ARL15: variants seen among roughly 807,000 people sequenced by gnomAD.
The protein encoded by ARL15 is ARF like GTPase 15.
Under a neutral mutation model 25.2 loss-of-function variants are expected in ARL15, and 19 were observed. The ratio of observed to expected loss-of-function variants is 0.75; its 90% CI spans 0.53 to 1.10. The LOEUF (loss-of-function observed/expected upper bound fraction) is 1.10. Ranked by LOEUF, ARL15 falls within the 50% of genes least tolerant of loss-of-function variation. The probability of loss-of-function intolerance (pLI) is 0.00; values close to 1 mark genes in which losing one functional copy is unlikely to be tolerated. For synonymous variants in ARL15, 94 were observed against 86.8 expected (o/e 1.08, Z -0.46); for missense variants, 220 against 246.0 (o/e 0.89, Z 0.71).
At position 54,246,797 on chromosome 5, in the gene ARL15, T is replaced by TACACACAC. The variant is rs61025147; in HGVS notation, c.48+63627_48+63634dup. 2.0e-3 allele frequency among the ~76,000 whole-genome samples: 276 copies of TACACACAC among 139,050 alleles called. 3 individuals are homozygous for TACACACAC. Among genetic ancestry groups the TACACACAC allele is most frequent in the East Asian group, 0.018 (82 of 4,450 alleles). 91.2% of individuals were successfully genotyped at this position (139,050 alleles called of 152,430 possible). On this transcript the variant is annotated intron_variant, in intron 1 of 4. Coordinates refer to ENST00000504924, the MANE Select transcript of ARL15 (RefSeq NM_019087.3). ...CCTCTTTTTATATACAAAGCATGCATACACACACACACACACACACACACA... is the reference window on the plus strand; with the variant it reads ...CCTCTTTTTATATACAAAGCATGCATACACACACACACACACACACACACACACACACA...
chr5:54,130,087 A>C lies in ARL15; in HGVS notation c.254-16677T>G, dbSNP rs147445217. ...GACCTCGTCTCTACAAAAAGTAAAA[A>C]ATCAGCCAGATATGGTGGCACATGC... On this transcript the variant is annotated intron_variant, in intron 3 of 4. Coordinates refer to ENST00000504924, the MANE Select transcript of ARL15 (RefSeq NM_019087.3). Among the ~76,000 whole-genome samples the C allele has an allele frequency of 9.9e-5, 15 of 152,228 alleles. 1 individual carries two copies. In the Middle Eastern group the frequency reaches 0.01, roughly 104 times the overall value.
At chr5:54,125,356 G>T (rs1753215742) in intron 3 of ARL15, among the ~76,000 whole-genome samples, 2 of 152,058 alleles carry the variant, frequency 1.3e-5, no homozygotes, top group South Asian at 4.1e-4. Flanking sequence ...TTTTTATGAA[G>T]CAAACTGCCA....
Position 54,272,545 on chromosome 5 carries a change from A to C in ARL15, c.48+37887T>G, listed in dbSNP as rs57783694. ...GGTCACCATGTCACTTAAGTTGCAA[A>C]ATTCAAAGTATTTTAAGTTCCTAAG... On this transcript the variant is annotated intron_variant, in intron 1 of 4. Transcript: ENST00000504924. Among the ~76,000 whole-genome samples the C allele has an allele frequency of 6.6e-5, 10 of 152,226 alleles. No homozygotes were observed. The East Asian group carries it at 1.9e-3, about 29-fold the overall frequency.
At chr5:54,204,684 G>A (rs1755816674) in intron 1 of ARL15, among the ~76,000 whole-genome samples, 1 of 152,118 alleles carries the variant, frequency 6.6e-6, no homozygotes, top group South Asian at 2.1e-4. Context: ...CAGTGCAGAT[G>A]AATAAGATTT....
chr5:53,885,461 C>T lies in ARL15; in HGVS notation c.*1100G>A, dbSNP rs1744494373. The T allele has an allele frequency of 1.3e-5, 2 of 152,596 alleles. No individual in the cohort carries two copies. The highest frequency in any genetic ancestry group is 4.2e-4 in the South Asian group (2 of 4,812). The allele number at this position is 152,596 out of a possible 1,614,324, so 9.5% of individuals were successfully genotyped here. A position where few individuals can be genotyped will look rare whatever the true frequency, so the allele number is the denominator to read the frequency against. Reference sequence around the variant, plus strand: ...CAATATTATTTATTTGCTGCAGCCCCAGCACAATTTTAAGGGCACATTGAA... The same window carrying T: ...CAATATTATTTATTTGCTGCAGCCCTAGCACAATTTTAAGGGCACATTGAA... On this transcript the variant is annotated 3_prime_UTR_variant, in exon 5 of 5. Coordinates refer to ENST00000504924, the MANE Select transcript of ARL15 (RefSeq NM_019087.3).
rs11336058 is a variant in ARL15, at chr5:54,180,018, G to GA, written c.49-8091dup. ...GGGTGACACAGCGAGACTGTCTCGA[G>GA]AAAAAAAAAAAAAAAAAAAGAGAAG... is the stretch of plus-strand genomic sequence containing the variant. On this transcript the variant is annotated intron_variant, in intron 1 of 4. Coordinates refer to ENST00000504924, the MANE Select transcript of ARL15 (RefSeq NM_019087.3). Among the ~76,000 whole-genome samples the GA allele has an allele frequency of 3.0e-3, 329 of 109,960 alleles. 1 individual carries two copies. The highest frequency in any genetic ancestry group is 8.4e-3 in the African/African-American group (239 of 28,452). 72.1% of individuals were successfully genotyped at this position (109,960 alleles called of 152,430 possible).
intron 3 of ARL15, among the ~76,000 whole-genome samples, chr5:54,146,640 C>T (rs773535976): frequency 5.3e-5 from 8 of 152,186 alleles, no homozygotes; most frequent in South Asian, 2.1e-4. Flanking sequence ...GAACCCAACA[C>T]AAATGTTCTG....
At chr5:54,044,953 C>A (rs2111962325) in intron 4 of ARL15, among the ~76,000 whole-genome samples, 1 of 152,294 alleles carries the variant, frequency 6.6e-6, no homozygotes, top group East Asian at 1.9e-4. Flanking sequence ...ATGATTTCAG[C>A]AAGCCAAATT....
chr5:54,135,527 G>A (rs758499684), intron 3 of ARL15, among the ~76,000 whole-genome samples: 22 of 152,176 alleles, frequency 1.4e-4, no homozygotes, highest in Non-Finnish European at 2.5e-4. Flanking sequence ...CTATCTAGGG[G>A]AGCTGTACTA....
At chr5:54,091,593 C>T (rs1451392620) in intron 4 of ARL15, among the ~76,000 whole-genome samples, 3 of 152,236 alleles carry the variant, frequency 2.0e-5, no homozygotes, top group African/African-American at 7.2e-5. Flanking sequence ...TGGGCCTTCT[C>T]CTGGACCAGT....
intron 4 of ARL15, among the ~76,000 whole-genome samples, chr5:53,974,293 T>C (rs1273831456): frequency 6.6e-6 from 1 of 152,198 alleles, no homozygotes; most frequent in Non-Finnish European, 1.5e-5. Flanking sequence ...GGAGTGTCAA[T>C]TAAGTCTCCT....
chr5:54,007,747 T>C (rs1422102357), intron 4 of ARL15, among the ~76,000 whole-genome samples: 2 of 152,202 alleles, frequency 1.3e-5, no homozygotes, highest in African/African-American at 2.4e-5. Context: ...GCTGCCTCTT[T>C]CCTTATAGAC....
chr5:53,968,449 G>A (rs1358485395), intron 4 of ARL15, among the ~76,000 whole-genome samples: 18 of 152,130 alleles, frequency 1.2e-4, no homozygotes, highest in Admixed American at 1.2e-3. Context: ...CTGGGTTCAT[G>A]AAGACATCTT....
intron 4 of ARL15, among the ~76,000 whole-genome samples, chr5:53,998,685 GC>G (rs796484884): frequency 7.2e-5 from 11 of 152,308 alleles, no homozygotes; most frequent in African/African-American, 2.6e-4. Flanking sequence ...TGGGAGAGAA[GC>G]CGTTCAATAT....
At chr5:54,292,131 T>G (rs111536920) in intron 1 of ARL15, among the ~76,000 whole-genome samples, 68 of 152,186 alleles carry the variant, frequency 4.5e-4, no homozygotes, top group Non-Finnish European at 8.8e-4. Flanking sequence ...TATTTCCCTT[T>G]TCTTTTTCAA....
At chr5:54,017,616 C>T (rs537232791) in intron 4 of ARL15, among the ~76,000 whole-genome samples, 1 of 149,310 alleles carries the variant, frequency 6.7e-6, no homozygotes, top group Non-Finnish European at 1.5e-5. Context: ...CCAAACCAAA[C>T]CAAAGCAACA....
At chr5:53,953,207 C>T (rs146828643) in intron 4 of ARL15, among the ~76,000 whole-genome samples, 2,091 of 152,162 alleles carry the variant, frequency 0.014, 38 homozygotes, top group Admixed American at 0.017. Context: ...TTACTAGGCT[C>T]CATGATCTTG....
At chr5:54,287,757 TAG>T in intron 1 of ARL15, among the ~76,000 whole-genome samples, 1 of 152,270 alleles carries the variant, frequency 6.6e-6, no homozygotes, top group Non-Finnish European at 1.5e-5. Context: ...GGTCACATCA[TAG>T]AGTCTGTTTT....
intron 4 of ARL15, among the ~76,000 whole-genome samples, chr5:54,023,020 A>G (rs1334547547): frequency 1.3e-5 from 2 of 152,228 alleles, no homozygotes; most frequent in East Asian, 1.9e-4. Context: ...TAAAAACTCA[A>G]TGGATAGGCT....
Sources: allele counts gnomAD v4.1 joint callset (sites outside exome capture counted in the v4.1 genomes callset), GRCh38; gene constraint gnomAD v4.1.1; transcripts MANE v1.5; gene names NCBI Gene and HGNC (gene_info 2026-07-23, HGNC 2026-07-21).